PUDP: variants seen among roughly 807,000 people sequenced by gnomAD.
The protein encoded by PUDP is pseudouridine-5'-phosphatase.
PUDP carries 8 observed loss-of-function variants against 9.4 expected under a neutral mutation model. The ratio of observed to expected loss-of-function variants is 0.85; its 90% CI spans 0.50 to 1.53. PUDP has a LOEUF of 1.53. Among genes scored for constraint, PUDP ranks in the 40% most tolerant of loss-of-function variants. The probability of loss-of-function intolerance (pLI) is 0.00; values close to 1 mark genes in which losing one functional copy is unlikely to be tolerated. For missense variants in PUDP, 188 were observed against 189.7 expected, an observed-to-expected ratio of 0.99 and a Z score of 0.05; for synonymous variants, 99 against 80.7, an observed-to-expected ratio of 1.23 and a Z score of -1.22.
intron 1 of PUDP, among the ~76,000 whole-genome samples, chrX:6,984,719 G>A (rs1192941954): frequency 8.9e-6 from 1 of 111,777 alleles, no homozygotes; most frequent in African/African-American, 3.3e-5. Context: ...AATTCAGGGT[G>A]TAAGCAGGAG....
chrX:6,945,450 T>C (rs1928451200), intron 3 of PUDP, among the ~76,000 whole-genome samples: 1 of 112,164 alleles, frequency 8.9e-6, no homozygotes, highest in Non-Finnish European at 1.9e-5. Context: ...TCTAATATGT[T>C]TGTATTTTGT....
chrX:6,800,466 T>C (rs1344460015), intron 3 of PUDP, among the ~76,000 whole-genome samples: 1 of 111,872 alleles, frequency 8.9e-6, no homozygotes, highest in East Asian at 2.8e-4. Context: ...GGCTATTGGC[T>C]CTAGATAGAA....
At position 7,123,736 on chromosome X, in the gene PUDP, T is replaced by C. The variant is rs147673038; in HGVS notation, c.62-17898A>G. Among the ~76,000 whole-genome samples, 73 of 111,819 alleles carry C rather than the reference T, an allele frequency of 6.5e-4. 1 individual carries two copies. In the East Asian group the frequency reaches 0.017, roughly 26 times the overall value. On this transcript the variant is annotated intron_variant, in intron 1 of 3. Transcript: ENST00000381077. Reference sequence around the variant, plus strand: ...AGCCCAAAGAGAGCTGAAGTAGCTATAGTAATATCAGACAAAGTAGACTTA... The same window carrying C: ...AGCCCAAAGAGAGCTGAAGTAGCTACAGTAATATCAGACAAAGTAGACTTA...
chrX:7,080,692 A>G (rs1244316172), intron 2 of PUDP, among the ~76,000 whole-genome samples: 5 of 112,064 alleles, frequency 4.5e-5, no homozygotes, highest in Non-Finnish European at 9.4e-5. Flanking sequence ...ACAGAGGACT[A>G]TATTTATTAG....
chrX:6,929,599 T>C (rs1928158526), intron 3 of PUDP, among the ~76,000 whole-genome samples: 1 of 112,143 alleles, frequency 8.9e-6, no homozygotes, highest in Non-Finnish European at 1.9e-5. Flanking sequence ...CCAATTCTAT[T>C]GGTAATTCCA....
At chrX:6,936,188 G>T (rs1210456782) in intron 3 of PUDP, among the ~76,000 whole-genome samples, 6 of 97,183 alleles carry the variant, frequency 6.2e-5, no homozygotes. Context: ...CAAAAAAAGA[G>T]AATTTTAGAC....
chrX:7,146,539 C>T (rs1262151482), intron 1 of PUDP, among the ~76,000 whole-genome samples: 1 of 111,337 alleles, frequency 9.0e-6, no homozygotes, highest in Non-Finnish European at 1.9e-5. Flanking sequence ...TAGCTGCATA[C>T]ACCGTTGGCT....
intron 2 of PUDP, among the ~76,000 whole-genome samples, chrX:7,092,988 T>C (rs1315343304): frequency 2.7e-5 from 3 of 112,777 alleles, no homozygotes; most frequent in South Asian, 3.6e-4. Flanking sequence ...ACTATTGTTG[T>C]ATGTGGTAAA....
At chrX:7,090,308 T>C (rs1271831404) in intron 2 of PUDP, among the ~76,000 whole-genome samples, 1 of 111,379 alleles carries the variant, frequency 9.0e-6, no homozygotes, top group Non-Finnish European at 1.9e-5. Context: ...CCTGTACTTA[T>C]GCAGCTAAAT....
intron 3 of PUDP, among the ~76,000 whole-genome samples, chrX:6,845,104 C>T (rs139045603): frequency 3.6e-5 from 4 of 111,927 alleles, no homozygotes; most frequent in East Asian, 5.6e-4. Context: ...ACAGATACAC[C>T]GAAATCAATG....
At chrX:7,052,899 T>C (rs757986784) in intron 3 of PUDP, among the ~76,000 whole-genome samples, 2 of 111,761 alleles carry the variant, frequency 1.8e-5, no homozygotes, top group Non-Finnish European at 3.8e-5. Context: ...CTGGTCACCG[T>C]AGGACGCGAG....
At chrX:6,819,013 A>G (rs1013779774) in intron 3 of PUDP, among the ~76,000 whole-genome samples, 2 of 111,835 alleles carry the variant, frequency 1.8e-5, no homozygotes, top group Non-Finnish European at 3.8e-5. Context: ...CTGTTTCTAG[A>G]GCTCACTAGA....
chrX:6,861,079 A>G (rs1017949984), intron 3 of PUDP, among the ~76,000 whole-genome samples: 1 of 112,243 alleles, frequency 8.9e-6, no homozygotes, highest in Non-Finnish European at 1.9e-5. Context: ...ACATTTTCCA[A>G]CATGATAAAA....
chrX:6,719,093 C>G (rs1924632749), intron 1 of PUDP, among the ~76,000 whole-genome samples: 1 of 111,344 alleles, frequency 9.0e-6, no homozygotes, highest in Non-Finnish European at 1.9e-5. Context: ...CTTGCTGAGG[C>G]TGCCATGACA....
At chrX:7,034,760 A>C (rs907324604) in intron 1 of PUDP, among the ~76,000 whole-genome samples, 2 of 111,381 alleles carry the variant, frequency 1.8e-5, no homozygotes, top group Non-Finnish European at 3.8e-5. Flanking sequence ...ACTTTGTCTA[A>C]TCTTCAAAAT....
At chrX:6,928,850 A>G (rs1282359527) in intron 3 of PUDP, among the ~76,000 whole-genome samples, 1 of 111,453 alleles carries the variant, frequency 9.0e-6, no homozygotes. Flanking sequence ...GTAAGCCCAG[A>G]TCGTGCCACC....
intron 1 of PUDP, among the ~76,000 whole-genome samples, chrX:7,126,866 T>C (rs1247997188): frequency 9.0e-6 from 1 of 111,391 alleles, no homozygotes; most frequent in Non-Finnish European, 1.9e-5. Flanking sequence ...AGTTTGTTAA[T>C]GGAAGGTGCT....
chrX:6,841,005 G>A (rs193049367), intron 3 of PUDP, among the ~76,000 whole-genome samples: 9 of 112,148 alleles, frequency 8.0e-5, no homozygotes, highest in African/African-American at 1.3e-4. Flanking sequence ...TAGGTTGGGC[G>A]CGGAGGCTCA....
chrX:6,933,817 G>A (rs1009450863), intron 3 of PUDP, among the ~76,000 whole-genome samples: 15 of 111,593 alleles, frequency 1.3e-4, no homozygotes, highest in African/African-American at 4.2e-4. Context: ...ACCAAGGCTC[G>A]AGAACTAGGT....
Sources: allele counts gnomAD v4.1 joint callset (sites outside exome capture counted in the v4.1 genomes callset), GRCh38; gene constraint gnomAD v4.1.1; transcripts MANE v1.5; gene names NCBI Gene and HGNC (gene_info 2026-07-23, HGNC 2026-07-21).